Variants in IMMP2L observed in about 807,000 individuals in gnomAD.
The protein encoded by IMMP2L is inner mitochondrial membrane peptidase subunit 2.
A neutral mutation model predicts 19.3 loss-of-function variants in IMMP2L; 18 were observed. The ratio of observed to expected loss-of-function variants is 0.93; its 90% confidence interval spans 0.64 to 1.38. The LOEUF is 1.38. Ranked by LOEUF, IMMP2L falls within the 40% of genes most tolerant of loss-of-function variation. IMMP2L has a pLI of 0.00. For missense variants in IMMP2L, 233 were observed against 218.2 expected (o/e 1.07, Z -0.43); for synonymous variants, 76 against 73.0 (o/e 1.04, Z -0.21).
intron 3 of IMMP2L, among the ~76,000 whole-genome samples, chr7:111,275,694 CGTTT>C (rs372969912): frequency 1.4e-4 from 22 of 152,052 alleles, no homozygotes; most frequent in African/African-American, 5.3e-4. Flanking sequence ...AATGTTTTTC[CGTTT>C]GTTTGTGTTA....
intron 1 of IMMP2L, among the ~76,000 whole-genome samples, chr7:111,547,505 A>C (rs1563342225): frequency 1.0e-4 from 14 of 135,896 alleles, no homozygotes; most frequent in African/African-American, 3.1e-4. Context: ...AAACTGTCAT[A>C]CCCCCCCCCC....
chr7:111,280,769 CAAAG>C (rs1819600024), intron 3 of IMMP2L, among the ~76,000 whole-genome samples: 1 of 151,922 alleles, frequency 6.6e-6, no homozygotes, highest in Admixed American at 6.6e-5. Context: ...GTAAGAACAA[CAAAG>C]AAAGGAGTGA....
At chr7:110,885,608 T>C (rs1810141535) in intron 5 of IMMP2L, among the ~76,000 whole-genome samples, 1 of 152,078 alleles carries the variant, frequency 6.6e-6, no homozygotes. Flanking sequence ...GAGGAACGTC[T>C]GCATTTCTAC....
In IMMP2L at chr7:110,664,624, G is replaced by A. The variant is rs184288006; in HGVS notation, c.409-903C>T. Among the ~76,000 whole-genome samples the A allele has an allele frequency of 1.2e-3, 179 of 152,182 alleles. 5 individuals are homozygous for A. In the East Asian group the frequency reaches 0.027, roughly 23 times the overall value. On this transcript the variant is annotated intron_variant, in intron 5 of 5. Transcript: ENST00000405709. ...GCAAACTTGTTTAAAAGGCAGATCA[G>A]GGTCTTATCTTAAGAGATTACCCTT...
chr7:111,242,392 A>C (rs553372987), intron 3 of IMMP2L, among the ~76,000 whole-genome samples: 112 of 152,218 alleles, frequency 7.4e-4, no homozygotes, highest in South Asian at 3.1e-3. Context: ...GATTCAACTA[A>C]ACAATAAATG....
Position 111,327,936 on chromosome 7 carries a change from T to C in IMMP2L, c.239+159302A>G, listed in dbSNP as rs535461711. On this transcript the variant is annotated intron_variant, in intron 3 of 5. Transcript: ENST00000405709. ...ATACCTGAATCACCTGTTTGGAAAA[T>C]AGGTACGTATAGTAGATATATAATA... Among the ~76,000 whole-genome samples, 74 of 151,702 alleles carry C rather than the reference T, an allele frequency of 4.9e-4. 1 individual carries two copies. Among genetic ancestry groups the C allele is most frequent in the Middle Eastern group, 3.4e-3 (1 of 294 alleles).
At chr7:111,333,638 C>G (rs1826097469) in intron 3 of IMMP2L, among the ~76,000 whole-genome samples, 1 of 152,054 alleles carries the variant, frequency 6.6e-6, no homozygotes. Flanking sequence ...AAAGGAGAGA[C>G]AGACCCACCC....
At chr7:110,971,389 A>T (rs1820129562) in intron 3 of IMMP2L, among the ~76,000 whole-genome samples, 1 of 152,086 alleles carries the variant, frequency 6.6e-6, no homozygotes, top group African/African-American at 2.4e-5. Context: ...CACGGATGGG[A>T]ACGGAGACAC....
At chr7:111,032,990 T>G (rs996174496) in intron 3 of IMMP2L, among the ~76,000 whole-genome samples, 1 of 150,650 alleles carries the variant, frequency 6.6e-6, no homozygotes, top group Non-Finnish European at 1.5e-5. Context: ...CATGGTGGCA[T>G]GTGCCTATAA....
Position 110,950,849 on chromosome 7 carries a change from T to TAC in IMMP2L, c.305+12650_305+12651insGT, listed in dbSNP as rs1156894030. On this transcript the variant is annotated intron_variant, in intron 4 of 5. Transcript: ENST00000405709. ...GGATACACAAAATGTGGCATATATA[T>TAC]ATATATATATATATATATATATGTA... Among the ~76,000 whole-genome samples, 160 of 123,176 alleles carry TAC rather than the reference T, an allele frequency of 1.3e-3. 1 individual carries two copies. The highest frequency in any genetic ancestry group is 4.2e-3 in the African/African-American group (103 of 24,626). The allele number at this position is 123,176 out of a possible 152,430, so 80.8% of individuals were successfully genotyped here.
In IMMP2L at chr7:111,433,645, C is replaced by A. The variant is rs1278326005; in HGVS notation, c.239+53593G>T. On this transcript the variant is annotated intron_variant, in intron 3 of 5. Coordinates refer to ENST00000405709, the MANE Select transcript of IMMP2L (RefSeq NM_032549.4). Reference sequence around the variant, plus strand: ...GTGGGGACACAGAGCCAAACCATATCAGACCCCACGATTCAATTAGCTCCA... The same window carrying A: ...GTGGGGACACAGAGCCAAACCATATAAGACCCCACGATTCAATTAGCTCCA... Among the ~76,000 whole-genome samples the A allele has an allele frequency of 3.3e-5, 5 of 151,742 alleles. 1 individual carries two copies. Among genetic ancestry groups the A allele is most frequent in the African/African-American group, 1.2e-4 (5 of 41,082 alleles).
chr7:111,374,328 C>T (rs1160915792), intron 3 of IMMP2L, among the ~76,000 whole-genome samples: 1 of 151,928 alleles, frequency 6.6e-6, no homozygotes, highest in Admixed American at 6.6e-5. Flanking sequence ...CTAGTAAAGT[C>T]CTAGACTAGG....
chr7:111,548,262 G>A (rs1011747008), intron 1 of IMMP2L, among the ~76,000 whole-genome samples: 6 of 151,882 alleles, frequency 4.0e-5, no homozygotes, highest in African/African-American at 1.4e-4. Context: ...AATAAAGTTT[G>A]TTTGACTGCA....
At position 111,125,195 on chromosome 7, in the gene IMMP2L, A is replaced by G. The variant is rs1002137819; in HGVS notation, c.240-161630T>C. ...GACTACAGTTCAAGTGGACAAAAAC[A>G]TTTCTGTATTTTTTTTAAGTAAATA... is the stretch of plus-strand genomic sequence containing the variant. On this transcript the variant is annotated intron_variant, in intron 3 of 5. Transcript: ENST00000405709. 4 of 266,812 alleles carry G rather than the reference A, an allele frequency of 1.5e-5. No homozygotes were observed. The Admixed American group carries it at 1.5e-4, about 10-fold the overall frequency. The allele number at this position is 266,812 out of a possible 1,614,324, so 16.5% of individuals were successfully genotyped here. A position where few individuals can be genotyped will look rare whatever the true frequency, so the allele number is the denominator to read the frequency against.
chr7:110,741,219 A>T (rs995659331), intron 5 of IMMP2L, among the ~76,000 whole-genome samples: 1 of 152,224 alleles, frequency 6.6e-6, no homozygotes, highest in African/African-American at 2.4e-5. Context: ...ATTCTAAGTA[A>T]TTCAGGAATG....
chr7:111,241,376 T>C (rs528100794), intron 3 of IMMP2L, among the ~76,000 whole-genome samples: 6 of 151,964 alleles, frequency 3.9e-5, no homozygotes, highest in Non-Finnish European at 8.8e-5. Context: ...TTTGTAAAAA[T>C]TTTATTCTTG....
At chr7:111,083,929 T>G (rs1046416398) in intron 3 of IMMP2L, among the ~76,000 whole-genome samples, 2 of 152,152 alleles carry the variant, frequency 1.3e-5, no homozygotes, top group Non-Finnish European at 2.9e-5. Flanking sequence ...ATAATAAATA[T>G]AACAACAAAA....
intron 3 of IMMP2L, among the ~76,000 whole-genome samples, chr7:111,469,403 C>T (rs1312054869): frequency 6.6e-6 from 1 of 152,042 alleles, no homozygotes; most frequent in Non-Finnish European, 1.5e-5. Flanking sequence ...AATGTTCTTC[C>T]ATTCGTTTGT....
At chr7:110,999,162 T>G (rs1336211049) in intron 3 of IMMP2L, among the ~76,000 whole-genome samples, 1 of 152,114 alleles carries the variant, frequency 6.6e-6, no homozygotes, top group Non-Finnish European at 1.5e-5. Flanking sequence ...CTTGAAGCTT[T>G]TATAATCTCA....
Sources: gnomAD v4.1 joint callset for allele counts (sites outside exome capture counted in the v4.1 genomes callset) on GRCh38, gnomAD v4.1.1 for gene constraint, MANE v1.5 for transcripts, NCBI Gene and HGNC (gene_info 2026-07-23, HGNC 2026-07-21) for gene names.